AAR2: variants seen among roughly 807,000 people sequenced by gnomAD.
AAR2 encodes the protein protein AAR2 homolog.
Under a neutral mutation model 26.9 loss-of-function variants are expected in AAR2, and 31 were observed. That is an observed-to-expected ratio of 1.15 (90% confidence interval 0.86 to 1.55). The LOEUF (loss-of-function observed/expected upper bound fraction) is 1.55, where lower values mean the gene tolerates loss of function less well. Among genes scored for constraint, AAR2 ranks in the 40% most tolerant of loss-of-function variants. The pLI, the probability that AAR2 is intolerant of heterozygous loss-of-function variation, is 0.00. For synonymous variants in AAR2, 188 were observed against 196.1 expected (o/e 0.96, Z 0.34); for missense variants, 430 against 491.3 (o/e 0.88, Z 1.18).
intron 2 of AAR2, among the ~76,000 whole-genome samples, chr20:36,244,463 G>C (rs2064713699): frequency 6.6e-6 from 1 of 152,176 alleles, no homozygotes; most frequent in Admixed American, 6.5e-5. Context: ...TGATTTTATA[G>C]AAATCCAAAG....
intron 1 of AAR2, among the ~76,000 whole-genome samples, chr20:36,238,755 C>CA (rs59138282): frequency 0.022 from 1,356 of 62,502 alleles, 6 homozygotes; most frequent in Non-Finnish European, 0.029. Context: ...GACCCTGTCT[C>CA]AAAAAAAAAA....
At position 36,240,181 on chromosome 20, in the gene AAR2, G is replaced by C. The variant is rs770612106; in HGVS notation, c.313G>C (p.Glu105Gln). Residue 105 changes from glutamate (E) to glutamine (Q), a missense_variant, in exon 2 of 4, where the codon GAG becomes CAG. Physicochemically the swap from Glu to Gln is conservative, Grantham distance 29. Coordinates refer to ENST00000320849, the MANE Select transcript of AAR2 (RefSeq NM_001271874.2). ...REEVDLSPAP[E>Q]SEVEAMRANL... ...AGAGGTAGACCTGTCCCCAGCCCCA[G>C]AGTCTGAGGTGGAGGCCATGAGGGC... The C allele has an allele frequency of 6.2e-7, 1 of 1,614,056 alleles. No homozygotes were observed. Among genetic ancestry groups the C allele is most frequent in the African/African-American group, 1.3e-5 (1 of 74,934 alleles).
At chr20:36,239,012 T>C (rs1248933609) in intron 1 of AAR2, among the ~76,000 whole-genome samples, 1 of 152,212 alleles carries the variant, frequency 6.6e-6, no homozygotes, top group Non-Finnish European at 1.5e-5. Flanking sequence ...GGTACCATTC[T>C]TGCCGATATC....
intron 3 of AAR2, among the ~76,000 whole-genome samples, chr20:36,255,363 T>C (rs538316274): frequency 5.4e-4 from 82 of 152,322 alleles, no homozygotes; most frequent in African/African-American, 1.8e-3. Context: ...TCTGCCCAGA[T>C]AGTAATTTTC....
At chr20:36,250,146 T>C (rs1468610302) in intron 3 of AAR2, among the ~76,000 whole-genome samples, 1 of 152,264 alleles carries the variant, frequency 6.6e-6, no homozygotes, top group East Asian at 1.9e-4. Context: ...CTGAACTCAA[T>C]TTATTTAACT....
At chr20:36,254,591 A>G (rs2064804796) in intron 3 of AAR2, among the ~76,000 whole-genome samples, 1 of 152,130 alleles carries the variant, frequency 6.6e-6, no homozygotes, top group African/African-American at 2.4e-5. Context: ...CTGAAGATGG[A>G]TGGTGGTGAT....
chr20:36,248,337 C>CA (rs2064754125), intron 3 of AAR2, among the ~76,000 whole-genome samples: 1 of 139,688 alleles, frequency 7.2e-6, no homozygotes, highest in South Asian at 2.3e-4. Context: ...TCTTCTTCTT[C>CA]TTTTTTTTTT....
At chr20:36,245,362 A>G (rs926013449) in intron 3 of AAR2, among the ~76,000 whole-genome samples, 3 of 152,248 alleles carry the variant, frequency 2.0e-5, no homozygotes, top group Admixed American at 6.5e-5. Context: ...AAAATGTGCC[A>G]GTTTCTGCAG....
At chr20:36,252,929 C>T (rs1302599528) in intron 3 of AAR2, among the ~76,000 whole-genome samples, 2 of 152,188 alleles carry the variant, frequency 1.3e-5, no homozygotes, top group Non-Finnish European at 2.9e-5. Flanking sequence ...GACAGGCCAA[C>T]CCTTGGCTTC....
chr20:36,245,878 G>A, intron 3 of AAR2, among the ~76,000 whole-genome samples: 1 of 152,178 alleles, frequency 6.6e-6, no homozygotes, highest in East Asian at 1.9e-4. Flanking sequence ...AAATTGGCCA[G>A]GTATGGTCAT....
chr20:36,252,621 A>G (rs1037909560), intron 3 of AAR2, among the ~76,000 whole-genome samples: 2 of 152,180 alleles, frequency 1.3e-5, no homozygotes, highest in African/African-American at 4.8e-5. Context: ...TTAAGAGCAG[A>G]GGGAAAAGCG....
chr20:36,238,714 C>T (rs2064644512), intron 1 of AAR2, among the ~76,000 whole-genome samples: 1 of 151,078 alleles, frequency 6.6e-6, no homozygotes, highest in African/African-American at 2.4e-5. Flanking sequence ...CGAGATCACG[C>T]CACTGCACTC....
rs181823946 is a variant in AAR2, at chr20:36,238,829, G to T, written c.-48-992G>T. On this transcript the variant is annotated intron_variant, in intron 1 of 3. Transcript: ENST00000320849. ...CTGTGTGTGAAATTTTGACGTCTTG[G>T]CTAGATTGGAATTGCCTAGAGGGCA... 7.6e-4 allele frequency among the ~76,000 whole-genome samples: 116 copies of T among 152,136 alleles called. 1 individual carries two copies. Among genetic ancestry groups the T allele is most frequent in the African/African-American group, 2.7e-3 (114 of 41,514 alleles).
chr20:36,249,914 G>C (rs1019116814), intron 3 of AAR2, among the ~76,000 whole-genome samples: 1 of 152,182 alleles, frequency 6.6e-6, no homozygotes, highest in East Asian at 1.9e-4. Flanking sequence ...TTACCTTCCT[G>C]GTCATCATTG....
intron 2 of AAR2, among the ~76,000 whole-genome samples, chr20:36,241,997 T>C (rs1226911664): frequency 2.6e-5 from 4 of 152,106 alleles, no homozygotes; most frequent in Non-Finnish European, 5.9e-5. Context: ...TGGCACCTTG[T>C]TTATATTTCT....
chr20:36,242,862 T>G (rs1177353205), intron 2 of AAR2, among the ~76,000 whole-genome samples: 2 of 149,636 alleles, frequency 1.3e-5, no homozygotes, highest in Non-Finnish European at 3.0e-5. Context: ...TGGTTTTTTT[T>G]TTTTTTTTTT....
rs771074176 is a variant in AAR2, at chr20:36,244,675, TTCTCC to T, written c.758-17_758-13del. Reference sequence around the variant, plus strand: ...TGGTCCTCCTCTCCCTCAGAATCACTTCTCCTCTCTGCACCTTTCAGGTGAACTCC... The same window carrying T: ...TGGTCCTCCTCTCCCTCAGAATCACTTCTCTGCACCTTTCAGGTGAACTCC... On this transcript the variant is annotated splice_polypyrimidine_tract_variant and intron_variant, in intron 2 of 3. Transcript: ENST00000320849. The T allele has an allele frequency of 2.2e-5, 36 of 1,605,074 alleles. No homozygotes were observed. Among genetic ancestry groups the T allele is most frequent in the East Asian group, 1.8e-4 (8 of 44,534 alleles).
chr20:36,239,352 T>C (rs536591744), intron 1 of AAR2, among the ~76,000 whole-genome samples: 1 of 152,366 alleles, frequency 6.6e-6, no homozygotes, highest in Admixed American at 6.5e-5. Context: ...ATGTACTTGA[T>C]TTAATCTTTC....
At chr20:36,237,763 TA>T (rs2064628359) in intron 1 of AAR2, among the ~76,000 whole-genome samples, 4 of 132,636 alleles carry the variant, frequency 3.0e-5, no homozygotes, top group African/African-American at 1.4e-4. Flanking sequence ...TTATTATTAT[TA>T]TTATTATTAT....
Sources: gnomAD v4.1 joint callset for allele counts (sites outside exome capture counted in the v4.1 genomes callset) on GRCh38, gnomAD v4.1.1 for gene constraint, MANE v1.5 for transcripts, NCBI Gene and HGNC (gene_info 2026-07-23, HGNC 2026-07-21) for gene names.